CNTN4: variants seen among roughly 807,000 people sequenced by gnomAD.
CNTN4 encodes contactin-4.
In CNTN4, 77 loss-of-function variants were observed where a neutral mutation model predicts 122.5. The observed-to-expected ratio is 0.63, with a 90% confidence interval of 0.52 to 0.76. The LOEUF is 0.76. Among genes scored for constraint, CNTN4 ranks in the 30% least tolerant of loss-of-function variants. The pLI is 0.00. For missense variants in CNTN4, 1,256 were observed against 1,259.1 expected (o/e 1.00, Z 0.04); for synonymous variants, 512 against 447.0 (o/e 1.15, Z -1.83).
intron 3 of CNTN4, among the ~76,000 whole-genome samples, chr3:2,481,308 T>C (rs1435740369): frequency 6.6e-6 from 1 of 151,956 alleles, no homozygotes; most frequent in African/African-American, 2.4e-5. Flanking sequence ...GTCCAGCTAA[T>C]TTTTGTATTT....
intron 16 of CNTN4, 138 bp downstream of exon 16, chr3:3,031,113 C>G: frequency 8.8e-7 from 1 of 1,137,040 alleles, no homozygotes; most frequent in Non-Finnish European, 1.3e-6. Flanking sequence ...CAGTGGCTAA[C>G]AGTCCACAGA....
At position 3,015,045 on chromosome 3, in the gene CNTN4, C is replaced by A. The variant is rs368973473; in HGVS notation, c.1487-11057C>A. Among the ~76,000 whole-genome samples the A allele has an allele frequency of 1.6e-3, 247 of 152,114 alleles. 3 individuals carry two copies. The highest frequency in any genetic ancestry group is 5.8e-3 in the African/African-American group (239 of 41,504). On this transcript the variant is annotated intron_variant, in intron 14 of 24. Coordinates refer to ENST00000418658, the MANE Select transcript of CNTN4 (RefSeq NM_175607.3). ...TTCCAATGATTTGCCTCTTTCTCTC[C>A]AAAATGAAAAACAGTAACAAAGTCT...
chr3:2,453,789 G>T (rs2048910642), intron 3 of CNTN4, among the ~76,000 whole-genome samples: 1 of 152,148 alleles, frequency 6.6e-6, no homozygotes, highest in African/African-American at 2.4e-5. Context: ...GAAGGTCAGT[G>T]TTATAAACAT....
At chr3:2,846,412 A>G (rs1185439676) in intron 7 of CNTN4, among the ~76,000 whole-genome samples, 1 of 152,122 alleles carries the variant, frequency 6.6e-6, no homozygotes, top group African/African-American at 2.4e-5. Context: ...CCCTACCACC[A>G]TGATTGTAAG....
intron 2 of CNTN4, among the ~76,000 whole-genome samples, chr3:2,303,116 A>G (rs2042582462): frequency 6.6e-6 from 1 of 152,224 alleles, no homozygotes. Context: ...GCTGGCACTT[A>G]GAAAAGTTAG....
intron 2 of CNTN4, among the ~76,000 whole-genome samples, chr3:2,299,877 A>G (rs1384381316): frequency 1.3e-5 from 2 of 152,186 alleles, no homozygotes; most frequent in East Asian, 3.8e-4. Flanking sequence ...TATAAATTTT[A>G]CTCAAGTTTA....
intron 14 of CNTN4, among the ~76,000 whole-genome samples, chr3:2,996,868 T>C (rs1363768339): frequency 1.3e-5 from 2 of 152,178 alleles, no homozygotes; most frequent in African/African-American, 4.8e-5. Flanking sequence ...TTAAAAAGCA[T>C]AGATCTCTCA....
At chr3:2,971,902 G>A (rs946678263) in intron 13 of CNTN4, among the ~76,000 whole-genome samples, 1 of 152,166 alleles carries the variant, frequency 6.6e-6, no homozygotes, top group Non-Finnish European at 1.5e-5. Context: ...CACATTTTCG[G>A]AAGTGCACTT....
chr3:2,311,492 C>G (rs1450861516), intron 2 of CNTN4, among the ~76,000 whole-genome samples: 1 of 152,054 alleles, frequency 6.6e-6, no homozygotes, highest in Admixed American at 6.6e-5. Context: ...TTTAATGATT[C>G]TTTGCCAATC....
intron 2 of CNTN4, among the ~76,000 whole-genome samples, chr3:2,127,687 A>G (rs1307468419): frequency 6.6e-6 from 1 of 152,180 alleles, no homozygotes; most frequent in African/African-American, 2.4e-5. Context: ...ATATATGCCA[A>G]TTTCAATTTA....
intron 2 of CNTN4, among the ~76,000 whole-genome samples, chr3:2,258,577 C>G (rs1232459960): frequency 6.6e-6 from 1 of 152,106 alleles, no homozygotes; most frequent in African/African-American, 2.4e-5. Flanking sequence ...TCTCATCCTG[C>G]TAGTGTACTG....
intron 3 of CNTN4, among the ~76,000 whole-genome samples, chr3:2,492,036 G>A (rs1221617448): frequency 2.0e-5 from 3 of 151,458 alleles, no homozygotes; most frequent in Non-Finnish European, 4.4e-5. Context: ...ACATTGTTTT[G>A]ATTTTGATTT....
chr3:2,486,122 A>G (rs115336351), intron 3 of CNTN4, among the ~76,000 whole-genome samples: 2,421 of 151,598 alleles, frequency 0.016, 49 homozygotes, highest in African/African-American at 0.056. Context: ...AGGAACAACA[A>G]CTCCAGACAC....
chr3:2,956,830 T>A (rs77515121), intron 13 of CNTN4, among the ~76,000 whole-genome samples: 1 of 152,178 alleles, frequency 6.6e-6, no homozygotes, highest in East Asian at 1.9e-4. Context: ...ACCATGGCTC[T>A]ACTTTCTGCT....
chr3:2,399,687 C>T (rs1026878516), intron 3 of CNTN4, among the ~76,000 whole-genome samples: 8 of 151,824 alleles, frequency 5.3e-5, no homozygotes, highest in African/African-American at 1.7e-4. Context: ...CTACTATGTT[C>T]GAGTATGATA....
At chr3:2,858,714 AAAAAAG>A (rs1160914780) in intron 7 of CNTN4, among the ~76,000 whole-genome samples, 5 of 152,016 alleles carry the variant, frequency 3.3e-5, no homozygotes, top group South Asian at 2.1e-4. Context: ...CTCAGAAAAA[AAAAAAG>A]AAAAAGAAAA....
intron 2 of CNTN4, among the ~76,000 whole-genome samples, chr3:2,124,765 A>ACAAC (rs931265651): frequency 1.7e-4 from 26 of 152,172 alleles, no homozygotes; most frequent in Admixed American, 2.6e-4. Flanking sequence ...AGAGTGAAAA[A>ACAAC]CAACCAACCA....
chr3:2,403,686 T>G (rs1214757884), intron 3 of CNTN4, among the ~76,000 whole-genome samples: 1 of 152,210 alleles, frequency 6.6e-6, no homozygotes, highest in African/African-American at 2.4e-5. Context: ...TGTTTATATT[T>G]TTTTGAACTA....
At chr3:2,593,902 T>G (rs2080627540) in intron 4 of CNTN4, among the ~76,000 whole-genome samples, 1 of 152,166 alleles carries the variant, frequency 6.6e-6, no homozygotes, top group Non-Finnish European at 1.5e-5. Flanking sequence ...AGCAGTTATA[T>G]TTATATAAAA....
Sources: gnomAD v4.1 joint callset for allele counts (sites outside exome capture counted in the v4.1 genomes callset) on GRCh38, gnomAD v4.1.1 for gene constraint, MANE v1.5 for transcripts, NCBI Gene and HGNC (gene_info 2026-07-23, HGNC 2026-07-21) for gene names.